Variants in OPHN1 observed in about 807,000 individuals in gnomAD.
OPHN1 encodes the protein oligophrenin-1.
OPHN1 carries 11 observed loss-of-function variants against 60.7 expected under a neutral mutation model. The observed-to-expected ratio is 0.18, with a 90% CI of 0.11 to 0.30. The LOEUF is 0.30. OPHN1 is among the 10% of genes least tolerant of loss of function. The pLI is 1.00. For synonymous variants in OPHN1, 226 were observed against 222.6 expected (o/e 1.02, Z -0.14); for missense variants, 449 against 611.0 (o/e 0.73, Z 2.80).
chrX:68,352,427 C>T (rs1014130941), intron 2 of OPHN1, among the ~76,000 whole-genome samples: 3 of 109,498 alleles, frequency 2.7e-5, no homozygotes, highest in Non-Finnish European at 3.8e-5. Context: ...GATTATCAGC[C>T]GGACAGTGCT....
intron 20 of OPHN1, chrX:68,070,688 G>A: frequency 9.8e-7 from 1 of 1,022,383 alleles, no homozygotes; most frequent in Non-Finnish European, 1.4e-6. Flanking sequence ...CCCTAGAAGT[G>A]GCTTTCACCA....
intron 2 of OPHN1, among the ~76,000 whole-genome samples, chrX:68,383,836 T>A (rs904679480): frequency 1.8e-5 from 2 of 110,273 alleles, no homozygotes; most frequent in African/African-American, 6.6e-5. Context: ...GAGAAGACTG[T>A]TCCCTGTTTA....
chrX:68,269,172 T>C (rs2077951583), intron 5 of OPHN1, among the ~76,000 whole-genome samples: 1 of 111,290 alleles, frequency 9.0e-6, no homozygotes, highest in Admixed American at 9.6e-5. Flanking sequence ...CCAAGGTAAT[T>C]TATAGATTCA....
intron 15 of OPHN1, chrX:68,133,345 C>A: frequency 1.5e-6 from 1 of 677,742 alleles, no homozygotes; most frequent in South Asian, 2.2e-5. Flanking sequence ...TCCTCAATAC[C>A]AAACTAGCAG....
intron 2 of OPHN1, among the ~76,000 whole-genome samples, chrX:68,359,315 AG>A (rs1380470449): frequency 8.9e-6 from 1 of 111,797 alleles, no homozygotes; most frequent in East Asian, 2.8e-4. Flanking sequence ...CAAGCCTCCA[AG>A]CATCTCATAC....
chrX:68,134,408 T>A (rs2077210646), intron 15 of OPHN1, among the ~76,000 whole-genome samples: 1 of 111,411 alleles, frequency 9.0e-6, no homozygotes, highest in Non-Finnish European at 1.9e-5. Context: ...GATCTACAAA[T>A]GTGTGGTGAG....
At position 68,119,288 on chromosome X, in the gene OPHN1, C is replaced by T; in HGVS notation, c.1321G>A (p.Asp441Asn). ...AAGGAGCTGGTGATTGTCTTAATGT[C>T]CCAGTCACTATTATGAAAATCAACA... ...GDVDFHNSDW[D>N]IKTITSSLKF... Residue 441 changes from aspartate (D) to asparagine (N), a missense_variant, in exon 16 of 25, where the codon GAC (aspartate) becomes AAC (asparagine). This residue lies in a region of OPHN1 where 166 missense variants were observed against 278.4 expected (regional missense o/e 0.60). Transcript: ENST00000355520. The T allele has an allele frequency of 8.3e-7, 1 of 1,205,874 alleles. No individual in the cohort carries two copies. The highest frequency in any genetic ancestry group is 1.1e-6 in the Non-Finnish European group (1 of 890,510).
intron 2 of OPHN1, among the ~76,000 whole-genome samples, chrX:68,384,082 G>A (rs963230161): frequency 9.9e-5 from 11 of 111,377 alleles, no homozygotes; most frequent in Admixed American, 8.6e-4. Context: ...TAAATAATCC[G>A]GTATGAAATA....
intron 5 of OPHN1, among the ~76,000 whole-genome samples, chrX:68,253,662 C>T (rs1188720755): frequency 9.0e-6 from 1 of 111,690 alleles, no homozygotes; most frequent in Non-Finnish European, 1.9e-5. Context: ...ATTTTTAAAC[C>T]ACAATATGCT....
intron 2 of OPHN1, among the ~76,000 whole-genome samples, chrX:68,418,316 G>A (rs918142774): frequency 3.6e-5 from 4 of 111,335 alleles, no homozygotes; most frequent in African/African-American, 1.3e-4. Flanking sequence ...GCTTCCTCAG[G>A]TCCTAGAGGG....
Position 68,191,618 on chromosome X carries a change from T to C in OPHN1, c.1276+1301A>G, listed in dbSNP as rs188526707. 8.9e-5 allele frequency among the ~76,000 whole-genome samples: 10 copies of C among 112,224 alleles called. No homozygotes were observed. The Admixed American group carries it at 9.5e-4, about 11-fold the overall frequency. On this transcript the variant is annotated intron_variant, in intron 15 of 24. Transcript: ENST00000355520. ...AACAGACAAAACAGGACTATGACTC[T>C]GAGAAGAGGGATACAAACAAGATAA...
intron 2 of OPHN1, among the ~76,000 whole-genome samples, chrX:68,333,670 T>TGC (rs1192144103): frequency 3.7e-5 from 4 of 107,669 alleles, no homozygotes; most frequent in African/African-American, 1.4e-4. Flanking sequence ...CGCGCGTGCG[T>TGC]GCACACACAC....
chrX:68,411,587 G>A (rs1305180248), intron 2 of OPHN1, among the ~76,000 whole-genome samples: 2 of 111,838 alleles, frequency 1.8e-5, no homozygotes, highest in South Asian at 3.7e-4. Context: ...AGTGTCAGTC[G>A]TGTCCTTTAT....
intron 2 of OPHN1, among the ~76,000 whole-genome samples, chrX:68,335,269 G>A (rs996201243): frequency 1.8e-5 from 2 of 110,607 alleles, no homozygotes; most frequent in Non-Finnish European, 3.8e-5. Context: ...AGAAGTCCTC[G>A]GACCCCAAAG....
chrX:68,122,156 C>T (rs979901163), intron 15 of OPHN1, among the ~76,000 whole-genome samples: 5 of 111,413 alleles, frequency 4.5e-5, no homozygotes, highest in African/African-American at 1.6e-4. Context: ...TAAAAGTGGA[C>T]TTTAAAAGTA....
rs1370719730 is a variant in OPHN1 at position 68,378,865 on chromosome X, A to G, written c.154+54002T>C. Among the ~76,000 whole-genome samples, 9 of 111,592 alleles carry G rather than the reference A, an allele frequency of 8.1e-5. No individual in the cohort carries two copies. The East Asian group carries it at 2.5e-3, about 31-fold the overall frequency. ...GTAGTATAGCTTGAAATCAGGTAGCATGATGCCTCCAGCTTTGTTCTTTTT... is the reference window on the plus strand; with the variant it reads ...GTAGTATAGCTTGAAATCAGGTAGCGTGATGCCTCCAGCTTTGTTCTTTTT... On this transcript the variant is annotated intron_variant, in intron 2 of 24. Transcript: ENST00000355520.
intron 18 of OPHN1, 44 bp downstream of exon 18, chrX:68,111,810 G>C (rs761211208): frequency 3.2e-6 from 3 of 933,109 alleles, no homozygotes; most frequent in Non-Finnish European, 4.7e-6. Flanking sequence ...ACATGGGCCA[G>C]TCCTCTAATA....
chrX:68,196,749 G>T (rs1454020782), intron 12 of OPHN1, among the ~76,000 whole-genome samples: 1 of 111,775 alleles, frequency 8.9e-6, no homozygotes, highest in Non-Finnish European at 1.9e-5. Flanking sequence ...GTGGTATAAG[G>T]GTGAGGCAGA....
chrX:68,128,934 C>T, intron 15 of OPHN1, among the ~76,000 whole-genome samples: 1 of 111,404 alleles, frequency 9.0e-6, no homozygotes, highest in African/African-American at 3.3e-5. Context: ...ATAAAAGCGG[C>T]ATTTTAAATT....
Sources: allele counts gnomAD v4.1 joint callset (sites outside exome capture counted in the v4.1 genomes callset), GRCh38; gene constraint gnomAD v4.1.1; regional missense constraint gnomAD v4.1.1; transcripts MANE v1.5; gene names NCBI Gene and HGNC (gene_info 2026-07-23, HGNC 2026-07-21).